Variants in TG observed in about 807,000 individuals in gnomAD.
The protein encoded by TG is thyroglobulin.
A neutral mutation model predicts 324.7 loss-of-function variants in TG; 270 were observed. The ratio of observed to expected loss-of-function variants is 0.83; its 90% CI spans 0.75 to 0.92. TG has a LOEUF of 0.92. Among genes scored for constraint, TG ranks in the 40% least tolerant of loss-of-function variants. The pLI, the probability that TG is intolerant of heterozygous loss-of-function variation, is 0.00. For synonymous variants in TG, 1,401 were observed against 1,327.0 expected (o/e 1.06, Z -1.21); for missense variants, 3,591 against 3,456.4 (o/e 1.04, Z -0.98).
chr8:132,930,598 C>T (rs377749092), intron 23 of TG, among the ~76,000 whole-genome samples: 163 of 151,714 alleles, frequency 1.1e-3, no homozygotes, highest in African/African-American at 3.8e-3. Flanking sequence ...AGGAGAATTG[C>T]TTGAACCTGG....
At chr8:132,988,152 T>C (rs138525098) in intron 35 of TG, among the ~76,000 whole-genome samples, 1 of 151,106 alleles carries the variant, frequency 6.6e-6, no homozygotes, top group African/African-American at 2.4e-5. Context: ...GACTCGAAAG[T>C]CCATCTGCAC....
In TG at chr8:132,978,572, G is replaced by A. The variant is rs557690688; in HGVS notation, c.6200-4778G>A. Among the ~76,000 whole-genome samples, 4 of 152,298 alleles carry A rather than the reference G, an allele frequency of 2.6e-5. 1 individual carries two copies. The South Asian group carries it at 6.2e-4, about 24-fold the overall frequency. ...CTTGTATTACTGTAGTGGAATCCCA[G>A]GGGAGAGGTAGGGTGTTGGGGGTGC... On this transcript the variant is annotated intron_variant, in intron 34 of 47. Transcript: ENST00000220616.
At chr8:132,969,422 C>G (rs976323628) in intron 31 of TG, 36 bp from the exon 32 acceptor site, 1 of 1,427,478 alleles carries the variant, frequency 7.0e-7, no homozygotes, top group Non-Finnish European at 9.9e-7. Flanking sequence ...TACAGCAAAT[C>G]TCTAAGTAAT....
intron 28 of TG, 29 bp from the exon 29 acceptor site, chr8:132,962,965 A>G: frequency 1.9e-6 from 3 of 1,609,302 alleles, no homozygotes; most frequent in Middle Eastern, 1.7e-4. Context: ...TCTCCCCAAC[A>G]TTGCAACAAC....
intron 34 of TG, among the ~76,000 whole-genome samples, chr8:132,979,036 C>A (rs1250338917): frequency 1.3e-5 from 2 of 152,146 alleles, no homozygotes; most frequent in African/African-American, 4.8e-5. Context: ...TCAGGCTAAG[C>A]AATGTGAATG....
intron 41 of TG, among the ~76,000 whole-genome samples, chr8:133,063,263 C>A (rs1440874352): frequency 2.0e-5 from 3 of 148,660 alleles, no homozygotes; most frequent in African/African-American, 7.5e-5. Context: ...TGCCAGGGTG[C>A]CCCCAGCCCT....
At chr8:133,040,283 T>C (rs1206681160) in intron 41 of TG, 1 of 798,030 alleles carries the variant, frequency 1.3e-6, no homozygotes, top group Non-Finnish European at 2.0e-6. Flanking sequence ...GTGGTGACAA[T>C]GCTGAAAGTC....
At chr8:133,038,366 G>A (rs145659174) in intron 41 of TG, 10 of 640,234 alleles carry the variant, frequency 1.6e-5, no homozygotes, top group Non-Finnish European at 2.8e-5. Flanking sequence ...TCATGATGTG[G>A]ATAGAGAAGA....
chr8:132,942,880 T>G (rs1824656883), intron 26 of TG, among the ~76,000 whole-genome samples: 2 of 152,256 alleles, frequency 1.3e-5, no homozygotes, highest in South Asian at 4.2e-4. Context: ...AGGATTTGGT[T>G]CAGAGTGGGT....
At chr8:133,020,638 C>A (rs905751587) in intron 39 of TG, among the ~76,000 whole-genome samples, 3 of 152,142 alleles carry the variant, frequency 2.0e-5, no homozygotes, top group Non-Finnish European at 2.9e-5. Flanking sequence ...CCACAGCCAC[C>A]AAGTGGTGGC....
At chr8:132,971,577 A>T (rs1829525218) in intron 32 of TG, among the ~76,000 whole-genome samples, 1 of 152,236 alleles carries the variant, frequency 6.6e-6, no homozygotes, top group Admixed American at 6.5e-5. Context: ...GATTAATGGC[A>T]GGACAGTATT....
At chr8:132,979,506 G>A (rs1259498339) in intron 34 of TG, among the ~76,000 whole-genome samples, 1 of 152,062 alleles carries the variant, frequency 6.6e-6, no homozygotes. Flanking sequence ...GCAATTTACT[G>A]TAGAATCTAT....
rs143023529 is a variant in TG at position 132,908,268 on chromosome 8, C to T, written c.3930C>T (p.Tyr1310=). The change falls in exon 18 of 48, where the codon TAC becomes TAT. Residue 1310 remains tyrosine, a synonymous_variant. Transcript: ENST00000220616. Reference sequence around the variant, plus strand: ...CGGGCAAGATGTGCAGTGCTGACTACGCGGATTTGCTGCAGACTTTCCAGG... The same window carrying T: ...CGGGCAAGATGTGCAGTGCTGACTATGCGGATTTGCTGCAGACTTTCCAGG... ...LPPGKMCSAD[Y]ADLLQTFQVF... is the part of the protein sequence containing the mutation. 184 of 1,613,786 alleles carry T rather than the reference C, an allele frequency of 1.1e-4. No homozygotes were observed. Among genetic ancestry groups the T allele is most frequent in the Admixed American group, 4.3e-4 (26 of 59,972 alleles).
chr8:132,880,571 T>C (rs1814513506), intron 5 of TG, among the ~76,000 whole-genome samples: 1 of 152,210 alleles, frequency 6.6e-6, no homozygotes, highest in Admixed American at 6.5e-5. Flanking sequence ...AATAGATTAA[T>C]AGCATGGAAA....
chr8:133,118,570 C>T (rs1411380212), intron 45 of TG, among the ~76,000 whole-genome samples: 3 of 152,162 alleles, frequency 2.0e-5, no homozygotes, highest in Non-Finnish European at 2.9e-5. Flanking sequence ...AGTGATCGAT[C>T]TGCCTCGGCT....
At chr8:132,898,966 T>C in intron 14 of TG, 56 bp downstream of exon 14, 5 of 1,468,684 alleles carry the variant, frequency 3.4e-6, no homozygotes, top group Non-Finnish European at 1.9e-6. Context: ...TGGTCAGAGA[T>C]GATTTTTCTT....
intron 35 of TG, among the ~76,000 whole-genome samples, chr8:132,990,077 C>A (rs1268826675): frequency 2.0e-5 from 3 of 151,748 alleles, no homozygotes; most frequent in Non-Finnish European, 4.4e-5. Flanking sequence ...CAAGTCCAAA[C>A]CGCTTTACAG....
At chr8:132,930,049 A>C (rs1822473003) in intron 23 of TG, among the ~76,000 whole-genome samples, 1 of 152,128 alleles carries the variant, frequency 6.6e-6, no homozygotes, top group Non-Finnish European at 1.5e-5. Flanking sequence ...CCATTTTAAC[A>C]CTGCATTATG....
chr8:133,068,936 A>G (rs558817468), intron 41 of TG, among the ~76,000 whole-genome samples: 1 of 152,394 alleles, frequency 6.6e-6, no homozygotes, highest in Non-Finnish European at 1.5e-5. Context: ...GGTTTGGCCT[A>G]GGCCAGGTCC....
Sources: gnomAD v4.1 joint callset for allele counts (sites outside exome capture counted in the v4.1 genomes callset) on GRCh38, gnomAD v4.1.1 for gene constraint, MANE v1.5 for transcripts, NCBI Gene and HGNC (gene_info 2026-07-23, HGNC 2026-07-21) for gene names.